Variants in AHCY observed in about 807,000 individuals in gnomAD.
The protein encoded by AHCY is adenosylhomocysteinase, also known as S-adenosyl-L-homocysteine hydrolase.
Under a neutral mutation model 45.4 loss-of-function variants are expected in AHCY, and 24 were observed. The ratio of observed to expected loss-of-function variants is 0.53; its 90% CI spans 0.38 to 0.74. The LOEUF is 0.74. AHCY is among the 30% of genes least tolerant of loss of function. The probability of loss-of-function intolerance (pLI) is 0.00; values close to 1 mark genes in which losing one functional copy is unlikely to be tolerated. For missense variants in AHCY, 449 were observed against 594.1 expected, an observed-to-expected ratio of 0.76 and a Z score of 2.54; for synonymous variants, 245 against 235.1, an observed-to-expected ratio of 1.04 and a Z score of -0.39.
chr20:34,267,954 T>C, the AHCY span, among the ~76,000 whole-genome samples: 135 of 152,360 alleles, frequency 8.9e-4, 1 homozygote, highest in Middle Eastern at 0.027. Context: ...TAATTTATTT[T>C]TGTTGTGCTA....
At chr20:34,244,490 C>A in the AHCY span, among the ~76,000 whole-genome samples, 3 of 152,278 alleles carry the variant, frequency 2.0e-5, no homozygotes, top group Non-Finnish European at 4.4e-5. Flanking sequence ...TTTGACATTA[C>A]CAAAATGTTT....
At chr20:34,266,091 C>T in the AHCY span, among the ~76,000 whole-genome samples, 5 of 147,588 alleles carry the variant, frequency 3.4e-5, no homozygotes, top group African/African-American at 2.5e-5. Flanking sequence ...CGGTGGCTCA[C>T]GCCTATAATC....
chr20:34,303,193 CCCGGGCGGGTG>C (rs1311408643), intron 1 of AHCY, 39 bp downstream of exon 1: 10 of 1,550,250 alleles, frequency 6.5e-6, no homozygotes, highest in Non-Finnish European at 8.7e-6. Context: ...ACGAACAAGC[CCCGGGCGGGTG>C]CCGGGCGGCC....
the AHCY span, among the ~76,000 whole-genome samples, chr20:34,261,097 TCA>T: frequency 1.3e-5 from 2 of 152,220 alleles, no homozygotes; most frequent in Non-Finnish European, 2.9e-5. Context: ...CTAGCACGGA[TCA>T]CACAGTTTTT....
chr20:34,302,408 G>T (rs2036806584), intron 1 of AHCY: 1 of 170,996 alleles, frequency 5.8e-6, no homozygotes, highest in East Asian at 1.9e-4. Flanking sequence ...AGTGGTGAAA[G>T]GGTGCGCTCA....
chr20:34,284,684 G>A (rs1351917968), intron 9 of AHCY, among the ~76,000 whole-genome samples: 1 of 152,154 alleles, frequency 6.6e-6, no homozygotes, highest in Non-Finnish European at 1.5e-5. Context: ...TTAGCCAAGT[G>A]TGGTGGCATC....
At chr20:34,247,425 C>T in the AHCY span, among the ~76,000 whole-genome samples, 4 of 151,660 alleles carry the variant, frequency 2.6e-5, no homozygotes, top group South Asian at 2.1e-4. Context: ...CTCAGCCTCC[C>T]GAGTAGCTGG....
intron 1 of AHCY, among the ~76,000 whole-genome samples, chr20:34,297,594 C>T (rs1794892811): frequency 6.6e-6 from 1 of 152,020 alleles, no homozygotes; most frequent in Non-Finnish European, 1.5e-5. Context: ...CCACACCTGG[C>T]CAAGATATCA....
At chr20:34,261,306 C>A in the AHCY span, among the ~76,000 whole-genome samples, 1 of 152,106 alleles carries the variant, frequency 6.6e-6, no homozygotes, top group South Asian at 2.1e-4. Context: ...CAAGACCAGA[C>A]TGAGCGACAT....
At chr20:34,269,387 G>C in the AHCY span, 9 of 573,346 alleles carry the variant, frequency 1.6e-5, no homozygotes, top group South Asian at 6.2e-5. Flanking sequence ...GAAAGTTCTC[G>C]GTCCCTTCGC....
chr20:34,306,051 C>A, upstream of AHCY, among the ~76,000 whole-genome samples: 1 of 141,212 alleles, frequency 7.1e-6, no homozygotes. Flanking sequence ...CACCGCACTC[C>A]AGCCTGGGTG....
the AHCY span, among the ~76,000 whole-genome samples, chr20:34,263,594 A>G: frequency 6.7e-6 from 1 of 149,616 alleles, no homozygotes; most frequent in East Asian, 1.9e-4. Context: ...AACTTAAAAA[A>G]TGCAGTTGAC....
chr20:34,253,612 T>C, the AHCY span, among the ~76,000 whole-genome samples: 1 of 151,884 alleles, frequency 6.6e-6, no homozygotes, highest in Non-Finnish European at 1.5e-5. Flanking sequence ...GCTGGGATTA[T>C]AGGCATGCAC....
chr20:34,242,252 T>G, the AHCY span, among the ~76,000 whole-genome samples: 1 of 152,088 alleles, frequency 6.6e-6, no homozygotes, highest in Non-Finnish European at 1.5e-5. Flanking sequence ...TATTTATTTT[T>G]GAGACGGAGT....
rs1303932704 is a variant in AHCY at position 34,302,834 on chromosome 20, A to T, written c.28+409T>A. The T allele has an allele frequency of 3.0e-6, 3 of 985,260 alleles. No individual in the cohort carries two copies. In the African/African-American group the frequency reaches 5.2e-5, roughly 17 times the overall value. 61.0% of individuals were successfully genotyped at this position (985,260 alleles called of 1,614,324 possible). A position where few individuals can be genotyped will look rare whatever the true frequency, so the allele number is the denominator to read the frequency against. On this transcript the variant is annotated intron_variant, in intron 1 of 9. Transcript: ENST00000217426. ...CCCTCGCCGTCCCTGTAGGAGGCCCAGAGAGGGGTGGACGCTCGTCGGGGC... is the reference window on the plus strand; with the variant it reads ...CCCTCGCCGTCCCTGTAGGAGGCCCTGAGAGGGGTGGACGCTCGTCGGGGC...
chr20:34,248,274 A>C, the AHCY span, among the ~76,000 whole-genome samples: 2 of 152,154 alleles, frequency 1.3e-5, no homozygotes, highest in African/African-American at 4.8e-5. Flanking sequence ...GCAGCATTAG[A>C]ATGAACTTAT....
intron 1 of AHCY, 102 bp downstream of exon 1, chr20:34,303,141 A>AG (rs932003234): frequency 1.3e-6 from 2 of 1,526,276 alleles, no homozygotes; most frequent in Non-Finnish European, 1.8e-6. Flanking sequence ...CTGCGATTCC[A>AG]GGGGGTCCAG....
At chr20:34,268,881 G>A in the AHCY span, 40 of 1,386,686 alleles carry the variant, frequency 2.9e-5, no homozygotes, top group South Asian at 1.4e-4. Flanking sequence ...GCAAGCCAGC[G>A]GGGAAACCTC....
downstream of AHCY, among the ~76,000 whole-genome samples, chr20:34,277,441 T>G (rs1268062432): frequency 6.6e-6 from 1 of 152,090 alleles, no homozygotes; most frequent in Non-Finnish European, 1.5e-5. Context: ...AACAGCTCCC[T>G]CCCACCACCT....
Sources: allele counts gnomAD v4.1 joint callset (sites outside exome capture counted in the v4.1 genomes callset), GRCh38; gene constraint gnomAD v4.1.1; transcripts MANE v1.5; gene names NCBI Gene and HGNC (gene_info 2026-07-23, HGNC 2026-07-21).